Variants in PHACTR1 observed in about 807,000 individuals in gnomAD.
PHACTR1 encodes the protein RPEL repeat containing 1.
PHACTR1 carries 16 observed loss-of-function variants against 69.2 expected under a neutral mutation model. That is an observed-to-expected ratio of 0.23 (90% CI 0.16 to 0.35). The LOEUF is 0.35. Among genes scored for constraint, PHACTR1 ranks in the 10% least tolerant of loss-of-function variants. PHACTR1 has a pLI of 1.00. For missense variants in PHACTR1, 510 were observed against 734.7 expected (o/e 0.69, Z 3.54); for synonymous variants, 312 against 284.5 (o/e 1.10, Z -0.97).
At chr6:12,799,168 G>A (rs956218736) in intron 4 of PHACTR1, among the ~76,000 whole-genome samples, 1 of 152,108 alleles carries the variant, frequency 6.6e-6, no homozygotes, top group African/African-American at 2.4e-5. Context: ...AGCGTGTTTG[G>A]TACATGTGAT....
intron 4 of PHACTR1, among the ~76,000 whole-genome samples, chr6:12,967,817 G>C (rs1228900719): frequency 6.6e-6 from 1 of 152,222 alleles, no homozygotes; most frequent in Non-Finnish European, 1.5e-5. Flanking sequence ...CACTCCATAT[G>C]TTTCTGATTC....
chr6:13,092,427 G>A (rs1813440265), intron 5 of PHACTR1, among the ~76,000 whole-genome samples: 1 of 152,184 alleles, frequency 6.6e-6, no homozygotes, highest in Non-Finnish European at 1.5e-5. Flanking sequence ...CATTCCTGCT[G>A]TTAAGTAGCT....
At position 13,283,731 on chromosome 6, in the gene PHACTR1, C is replaced by T. The variant is rs146218647; in HGVS notation, c.1650+169C>T. 2,620 of 961,622 alleles carry T rather than the reference C, an allele frequency of 2.7e-3. 9 individuals are homozygous for T. Among genetic ancestry groups the T allele is most frequent in the South Asian group, 5.7e-3 (373 of 65,738 alleles). The allele number at this position is 961,622 out of a possible 1,614,324, so 59.6% of individuals were successfully genotyped here. On this transcript the variant is annotated intron_variant, in intron 13 of 14. Transcript: ENST00000332995. This position sits in a 1 kb window ranked among gnomAD's most constrained non-coding sequence, Gnocchi z 4.7. ...TTCCCCAGGGGCCACAGATAATCTG[C>T]GGAAAGGCTGCTGAATCGGAGAAAA...
chr6:12,774,945 T>G (rs549310140), intron 4 of PHACTR1, among the ~76,000 whole-genome samples: 1 of 152,320 alleles, frequency 6.6e-6, no homozygotes, highest in East Asian at 1.9e-4. Flanking sequence ...TTCTAGAACA[T>G]GGCTAGAACT....
intron 3 of PHACTR1, among the ~76,000 whole-genome samples, chr6:12,748,873 C>A (rs964703145): frequency 1.3e-5 from 2 of 152,340 alleles, no homozygotes; most frequent in African/African-American, 2.4e-5. Flanking sequence ...AATACCAACT[C>A]TAGAAACCTT....
chr6:13,092,614 C>T (rs545717360), intron 5 of PHACTR1, among the ~76,000 whole-genome samples: 5 of 152,284 alleles, frequency 3.3e-5, no homozygotes, highest in Admixed American at 2.6e-4. Context: ...AATAATTATA[C>T]AACTCACCAT....
At chr6:13,146,964 C>G (rs967790230) in intron 5 of PHACTR1, among the ~76,000 whole-genome samples, 1 of 152,172 alleles carries the variant, frequency 6.6e-6, no homozygotes, top group African/African-American at 2.4e-5. Flanking sequence ...AAGCAAGCCC[C>G]AGAGCATTGA....
At chr6:13,169,111 G>A (rs1561933391) in intron 6 of PHACTR1, among the ~76,000 whole-genome samples, 1 of 152,154 alleles carries the variant, frequency 6.6e-6, no homozygotes, top group Non-Finnish European at 1.5e-5. Flanking sequence ...AGACTGGAGA[G>A]TTCTAGGAGG....
At chr6:12,736,980 C>T (rs963393552) in intron 3 of PHACTR1, among the ~76,000 whole-genome samples, 5 of 151,730 alleles carry the variant, frequency 3.3e-5, no homozygotes, top group East Asian at 1.9e-4. Context: ...ATTTTTACAC[C>T]GTGTGTGTAT....
intron 5 of PHACTR1, among the ~76,000 whole-genome samples, chr6:13,145,953 C>T (rs1330756631): frequency 1.3e-5 from 2 of 152,196 alleles, no homozygotes; most frequent in African/African-American, 2.4e-5. Flanking sequence ...TGTATATACA[C>T]GAAAGCCTAT....
chr6:13,269,282 A>G (rs563191323), intron 10 of PHACTR1, among the ~76,000 whole-genome samples: 2 of 152,346 alleles, frequency 1.3e-5, no homozygotes, highest in East Asian at 3.9e-4. Flanking sequence ...TTTTAGGGAA[A>G]ATAAACTGGC....
intron 4 of PHACTR1, among the ~76,000 whole-genome samples, chr6:12,985,808 T>G (rs1470646474): frequency 1.3e-5 from 2 of 151,934 alleles, no homozygotes; most frequent in South Asian, 2.1e-4. Context: ...ATTGTATAAT[T>G]CAATTTATAT....
intron 4 of PHACTR1, among the ~76,000 whole-genome samples, chr6:12,803,243 A>G (rs895524469): frequency 1.3e-5 from 2 of 152,158 alleles, no homozygotes; most frequent in African/African-American, 4.8e-5. Context: ...AATAATTCAC[A>G]GATCTCTGGC....
intron 4 of PHACTR1, among the ~76,000 whole-genome samples, chr6:12,772,521 A>G: frequency 6.6e-6 from 1 of 152,134 alleles, no homozygotes; most frequent in South Asian, 2.1e-4. Context: ...TATTTTAAAG[A>G]TATTTTGTGC....
Position 12,772,420 on chromosome 6 carries a change from G to T in PHACTR1, c.250+22630G>T, listed in dbSNP as rs1286871912. ...CATAAGGGGAGAGAACAGATTTGAT[G>T]ATTTTAGATAGCAATAAGGAATCTA... is the stretch of plus-strand genomic sequence containing the variant. On this transcript the variant is annotated intron_variant, in intron 4 of 14. Transcript: ENST00000332995. Among the ~76,000 whole-genome samples, 3 of 152,192 alleles carry T rather than the reference G, an allele frequency of 2.0e-5. No individual in the cohort carries two copies. In the East Asian group the frequency reaches 5.8e-4, roughly 29 times the overall value.
At chr6:12,742,803 C>A (rs1249475840) in intron 3 of PHACTR1, among the ~76,000 whole-genome samples, 1 of 152,048 alleles carries the variant, frequency 6.6e-6, no homozygotes, top group Non-Finnish European at 1.5e-5. Context: ...AGCTCAGTTA[C>A]AAAGCATACA....
At chr6:13,046,443 A>G (rs1805063262) in intron 4 of PHACTR1, among the ~76,000 whole-genome samples, 1 of 152,078 alleles carries the variant, frequency 6.6e-6, no homozygotes, top group South Asian at 2.1e-4. Context: ...ATGCTAAGGG[A>G]TGGGGTGGAG....
At chr6:12,736,843 T>C (rs1764318037) in intron 3 of PHACTR1, among the ~76,000 whole-genome samples, 1 of 152,170 alleles carries the variant, frequency 6.6e-6, no homozygotes. Context: ...TGGATTCACC[T>C]ATTAATAACG....
chr6:13,043,507 T>TC (rs1260557750), intron 4 of PHACTR1, among the ~76,000 whole-genome samples: 1 of 152,216 alleles, frequency 6.6e-6, no homozygotes, highest in African/African-American at 2.4e-5. Context: ...GTTAACAAGC[T>TC]ATGGCCATGC....
Sources: allele counts gnomAD v4.1 joint callset (sites outside exome capture counted in the v4.1 genomes callset), GRCh38; gene constraint gnomAD v4.1.1; non-coding constraint Gnocchi (gnomAD v3.1); transcripts MANE v1.5; gene names NCBI Gene and HGNC (gene_info 2026-07-23, HGNC 2026-07-21).